The following KCND3 variants were observed in gnomAD, a reference collection of about 807,000 sequenced individuals.
KCND3 encodes the protein A-type voltage-gated potassium channel KCND3.
A neutral mutation model predicts 51.1 loss-of-function variants in KCND3; 9 were observed. The observed-to-expected ratio is 0.18, with a 90% CI of 0.11 to 0.31. The LOEUF (loss-of-function observed/expected upper bound fraction) is 0.31, where lower values mean the gene tolerates loss of function less well. KCND3 is among the 10% of genes least tolerant of loss of function. The pLI is 1.00. For synonymous variants in KCND3, 349 were observed against 368.0 expected (o/e 0.95, Z 0.59); for missense variants, 526 against 903.8 (o/e 0.58, Z 5.36).
At chr1:111,916,348 G>C (rs1465304880) in intron 2 of KCND3, among the ~76,000 whole-genome samples, 1 of 152,042 alleles carries the variant, frequency 6.6e-6, no homozygotes. Context: ...AAAATCACAA[G>C]GGAAATTAGA....
chr1:111,866,407 G>A (rs1668574915), intron 2 of KCND3, among the ~76,000 whole-genome samples: 1 of 151,746 alleles, frequency 6.6e-6, no homozygotes, highest in African/African-American at 2.4e-5. Context: ...TGGGACCATA[G>A]GAGTGCGCCA....
intron 2 of KCND3, among the ~76,000 whole-genome samples, chr1:111,859,123 T>C (rs1253351226): frequency 2.0e-5 from 3 of 152,214 alleles, no homozygotes; most frequent in Non-Finnish European, 2.9e-5. Flanking sequence ...TTAAAATGTT[T>C]CTCAGTTCCC....
chr1:111,776,584 G>A (rs1664125687), intron 7 of KCND3, among the ~76,000 whole-genome samples: 1 of 152,128 alleles, frequency 6.6e-6, no homozygotes, highest in Non-Finnish European at 1.5e-5. Flanking sequence ...GCATTTGGAG[G>A]TAGTGGGAAG....
chr1:111,887,533 C>A (rs976413309), intron 2 of KCND3, among the ~76,000 whole-genome samples: 8 of 152,168 alleles, frequency 5.3e-5, no homozygotes, highest in African/African-American at 1.9e-4. Context: ...TATTTCCAAA[C>A]TAAACAAGCT....
chr1:111,918,913 T>A (rs1207928853), intron 2 of KCND3, among the ~76,000 whole-genome samples: 1 of 151,828 alleles, frequency 6.6e-6, no homozygotes, highest in African/African-American at 2.4e-5. Flanking sequence ...CTTAAATGAC[T>A]GTGTGTAGAA....
chr1:111,955,138 G>A (rs767902031), intron 2 of KCND3, among the ~76,000 whole-genome samples: 5 of 152,286 alleles, frequency 3.3e-5, no homozygotes, highest in East Asian at 1.9e-4. Flanking sequence ...ATCCCTGCCC[G>A]GAACAGTGGC....
intron 2 of KCND3, among the ~76,000 whole-genome samples, chr1:111,948,452 C>T (rs1672897171): frequency 6.6e-6 from 1 of 152,170 alleles, no homozygotes; most frequent in South Asian, 2.1e-4. Context: ...GGACTCTGGC[C>T]CACACTTAAG....
chr1:111,883,875 C>T (rs898030516), intron 2 of KCND3, among the ~76,000 whole-genome samples: 1 of 152,192 alleles, frequency 6.6e-6, no homozygotes, highest in Admixed American at 6.5e-5. Context: ...CTGAATTTTT[C>T]CCCCAACTAT....
chr1:111,817,766 T>C (rs1666163651), intron 2 of KCND3, among the ~76,000 whole-genome samples: 1 of 152,178 alleles, frequency 6.6e-6, no homozygotes, highest in African/African-American at 2.4e-5. Context: ...GCTGAGTATA[T>C]GGATACAGAA....
At chr1:111,843,794 A>T (rs901701365) in intron 2 of KCND3, among the ~76,000 whole-genome samples, 2 of 152,154 alleles carry the variant, frequency 1.3e-5, no homozygotes, top group Admixed American at 1.3e-4. Flanking sequence ...GACATTTTGC[A>T]ATGTTATTTA....
At chr1:111,814,773 C>G (rs552304402) in intron 2 of KCND3, among the ~76,000 whole-genome samples, 10 of 152,342 alleles carry the variant, frequency 6.6e-5, no homozygotes, top group Admixed American at 6.5e-4. Context: ...GCAGGGGACA[C>G]AGGCCCAGCA....
chr1:111,805,019 G>A lies in KCND3; in HGVS notation c.1107-17913C>T, dbSNP rs1234759202. ...GGCTGACAGCACGGGTGAAGCACAG[G>A]GAGATCCTCCCAGCTGCAGGGTGGC... On this transcript the variant is annotated intron_variant, in intron 2 of 7. Transcript: ENST00000302127. Among the ~76,000 whole-genome samples, 6 of 152,162 alleles carry A rather than the reference G, an allele frequency of 3.9e-5. No individual in the cohort carries two copies. The East Asian group carries it at 1.2e-3, about 29-fold the overall frequency.
intron 3 of KCND3, among the ~76,000 whole-genome samples, chr1:111,782,490 G>A (rs1406586183): frequency 1.3e-5 from 2 of 152,100 alleles, no homozygotes; most frequent in Non-Finnish European, 2.9e-5. Flanking sequence ...AGGGGGCCAG[G>A]ACAGTTTTAC....
chr1:111,921,055 G>A (rs1671452826), intron 2 of KCND3, among the ~76,000 whole-genome samples: 1 of 152,202 alleles, frequency 6.6e-6, no homozygotes, highest in East Asian at 1.9e-4. Flanking sequence ...TGGCTGGAAA[G>A]AGTAAGGAAA....
intron 2 of KCND3, among the ~76,000 whole-genome samples, chr1:111,925,627 G>A (rs1571858413): frequency 6.6e-6 from 1 of 152,280 alleles, no homozygotes; most frequent in East Asian, 1.9e-4. Context: ...CTGCCTTCAA[G>A]GAGGTAAAGA....
chr1:111,878,086 G>A (rs898617035), intron 2 of KCND3, among the ~76,000 whole-genome samples: 4 of 152,338 alleles, frequency 2.6e-5, no homozygotes, highest in East Asian at 1.9e-4. Context: ...TAACAGGTGG[G>A]GGATGATGTG....
chr1:111,810,744 G>A (rs1221328067), intron 2 of KCND3, among the ~76,000 whole-genome samples: 1 of 152,176 alleles, frequency 6.6e-6, no homozygotes. Flanking sequence ...TAACACAAAA[G>A]GCAAAGGAAC....
intron 2 of KCND3, among the ~76,000 whole-genome samples, chr1:111,944,350 T>A (rs536434742): frequency 6.6e-6 from 1 of 152,174 alleles, no homozygotes; most frequent in Admixed American, 6.5e-5. Context: ...AAACGAAAGG[T>A]TAAGATACAA....
chr1:111,841,367 G>A (rs187956058), intron 2 of KCND3, among the ~76,000 whole-genome samples: 1 of 152,296 alleles, frequency 6.6e-6, no homozygotes, highest in Non-Finnish European at 1.5e-5. Context: ...CCAACAGAGA[G>A]GAGGACCCAT....
Sources: gnomAD v4.1 joint callset for allele counts (sites outside exome capture counted in the v4.1 genomes callset) on GRCh38, gnomAD v4.1.1 for gene constraint, MANE v1.5 for transcripts, NCBI Gene and HGNC (gene_info 2026-07-23, HGNC 2026-07-21) for gene names.